The following NCAPD2 variants were observed in gnomAD, a reference collection of about 807,000 sequenced individuals.
The protein encoded by NCAPD2 is non-SMC condensin I complex subunit D2, also known as condensin complex subunit 1.
A neutral mutation model predicts 164.5 loss-of-function variants in NCAPD2; 100 were observed. The ratio of observed to expected loss-of-function variants is 0.61; its 90% CI spans 0.52 to 0.72. NCAPD2 has a LOEUF of 0.72. Among genes scored for constraint, NCAPD2 ranks in the 30% least tolerant of loss-of-function variants. The pLI, the probability that NCAPD2 is intolerant of heterozygous loss-of-function variation, is 0.00. For missense variants in NCAPD2, 1,560 were observed against 1,749.2 expected (o/e 0.89, Z 1.93); for synonymous variants, 585 against 642.6 (o/e 0.91, Z 1.36).
At position 6,525,695 on chromosome 12, in the gene NCAPD2, T is replaced by A. The variant is rs1413443276; in HGVS notation, c.2327T>A (p.Met776Lys). 6 of 1,613,480 alleles carry A rather than the reference T, an allele frequency of 3.7e-6. No homozygotes were observed. Among genetic ancestry groups the A allele is most frequent in the Non-Finnish European group, 4.2e-6 (5 of 1,179,874 alleles). ...CCTCTGGAGCGCTGTTCCTCTGTCATGCTTCTTGGCATGATGGCACGGTGA... is the reference window on the plus strand; with the variant it reads ...CCTCTGGAGCGCTGTTCCTCTGTCAAGCTTCTTGGCATGATGGCACGGTGA... Reference protein sequence around the residue: ...CCPLERCSSVMLLGMMARGKP... With the variant: ...CCPLERCSSVKLLGMMARGKP... The change falls in exon 18 of 32, where the codon ATG becomes AAG. Residue 776 changes from methionine (M) to lysine (K), a missense_variant. Coordinates refer to ENST00000315579, the MANE Select transcript of NCAPD2 (RefSeq NM_014865.4).
In NCAPD2 at chr12:6,531,587, C is replaced by T. The variant is rs1356195751; in HGVS notation, c.*175C>T. 1 of 1,354,400 alleles carries T rather than the reference C, an allele frequency of 7.4e-7. No homozygotes were observed. Among genetic ancestry groups the T allele is most frequent in the African/African-American group, 1.5e-5 (1 of 67,772 alleles). 83.9% of individuals were successfully genotyped at this position (1,354,400 alleles called of 1,614,324 possible). On this transcript the variant is annotated 3_prime_UTR_variant, in exon 32 of 32. Coordinates refer to ENST00000315579, the MANE Select transcript of NCAPD2 (RefSeq NM_014865.4). This position sits in a 1 kb window ranked among gnomAD's most constrained non-coding sequence, Gnocchi z 4.1. ...TTGCGATACCAAGGCGGGTGGATAA[C>T]CTGAGGTAGGGAGTTCGAGACCAGC...
chr12:6,523,618 C>T (rs766210781), intron 17 of NCAPD2, among the ~76,000 whole-genome samples: 21 of 152,122 alleles, frequency 1.4e-4, no homozygotes, highest in African/African-American at 4.8e-4. Flanking sequence ...GAGCTGGTCT[C>T]GAACCCTTGA....
intron 17 of NCAPD2, among the ~76,000 whole-genome samples, chr12:6,525,132 A>G (rs1043166262): frequency 2.7e-4 from 41 of 152,316 alleles, no homozygotes; most frequent in African/African-American, 9.1e-4. Flanking sequence ...ATGGAAGACA[A>G]ATTTTTAAAG....
chr12:6,521,205 C>G, intron 14 of NCAPD2, 95 bp downstream of exon 14: 1 of 1,462,922 alleles, frequency 6.8e-7, no homozygotes. Context: ...GTTAACAGAA[C>G]CTGGTGCTGA....
At chr12:6,508,233 G>A (rs1946114693) in intron 2 of NCAPD2, among the ~76,000 whole-genome samples, 1 of 152,096 alleles carries the variant, frequency 6.6e-6, no homozygotes, top group African/African-American at 2.4e-5. Flanking sequence ...GAGGCAGTAG[G>A]GAGTAGGCAG....
At chr12:6,498,034 C>G (rs536769865) in intron 2 of NCAPD2, among the ~76,000 whole-genome samples, 2 of 151,974 alleles carry the variant, frequency 1.3e-5, no homozygotes, top group South Asian at 4.1e-4. Flanking sequence ...CTCAGCCGCC[C>G]GAGTAGCTGG....
At chr12:6,527,472 A>G (rs1946327743) in intron 22 of NCAPD2, among the ~76,000 whole-genome samples, 1 of 152,206 alleles carries the variant, frequency 6.6e-6, no homozygotes, top group African/African-American at 2.4e-5. Flanking sequence ...CGCTGGAGAA[A>G]AGTCTGACCT....
At chr12:6,504,003 G>T (rs77985929) in intron 2 of NCAPD2, among the ~76,000 whole-genome samples, 9,203 of 151,366 alleles carry the variant, frequency 0.061, 496 homozygotes, top group African/African-American at 0.13. Context: ...TATTTGTGAG[G>T]GTGGAGCCCT....
chr12:6,522,521 G>C (rs1946273502), intron 15 of NCAPD2, among the ~76,000 whole-genome samples: 2 of 151,340 alleles, frequency 1.3e-5, no homozygotes, highest in Admixed American at 6.6e-5. Context: ...GGAGTTTGAG[G>C]CTACAGTGAG....
At chr12:6,494,358 G>A (rs1251020943) in intron 1 of NCAPD2, among the ~76,000 whole-genome samples, 2 of 149,732 alleles carry the variant, frequency 1.3e-5, no homozygotes, top group Non-Finnish European at 2.9e-5. Context: ...TAAGCAAATC[G>A]CTTAACAGAT....
In NCAPD2 at chr12:6,521,079, G is replaced by C. The variant is rs754644063; in HGVS notation, c.1683G>C (p.Arg561Ser). Reference protein sequence around the residue: ...HIDPEESEETRLLNILGLIFK... With the variant: ...HIDPEESEETSLLNILGLIFK... The stretch of plus-strand genomic sequence containing the variant: ...ACCCAGAGGAGTCAGAGGAGACCAG[G>C]CTCTTGAATATCTTAGGACTTATCT... Residue 561 changes from arginine (R) to serine (S), a missense_variant, in exon 14 of 32, where the codon AGG becomes AGC. Physicochemically the swap from Arg to Ser is moderately radical, Grantham distance 110. Transcript: ENST00000315579. The C allele has an allele frequency of 2.5e-6, 4 of 1,614,160 alleles. No homozygotes were observed. Among genetic ancestry groups the C allele is most frequent in the Non-Finnish European group, 3.4e-6 (4 of 1,179,998 alleles).
At chr12:6,527,935 C>A (rs372679971) in intron 23 of NCAPD2, 33 bp from the exon 24 acceptor site, 20 of 1,614,182 alleles carry the variant, frequency 1.2e-5, no homozygotes, top group Non-Finnish European at 1.7e-5. Context: ...ATTAAGATAA[C>A]CTGTCCCAAA....
chr12:6,527,952 G>A lies in NCAPD2; in HGVS notation c.3020-16G>A, dbSNP rs762120510. 1.4e-5 allele frequency: 22 copies of A among 1,614,114 alleles called. No individual in the cohort carries two copies. The Admixed American group carries it at 2.8e-4, about 21-fold the overall frequency. On this transcript the variant is annotated splice_polypyrimidine_tract_variant and intron_variant, in intron 23 of 31. Transcript: ENST00000315579. ...TAAGATAACCTGTCCCAAACCTGCA[G>A]TTACTCTTCCAACAGGCAAACAGAC...
At chr12:6,518,504 G>GTTTTTTTTTTTTTTTGTTTTGTTTTTT (rs1946227130) in intron 13 of NCAPD2, among the ~76,000 whole-genome samples, 1 of 44,774 alleles carries the variant, frequency 2.2e-5, no homozygotes, top group Admixed American at 3.3e-4. Context: ...CCGTCAACAA[G>GTTTTTTTTTTTTTTTGTTTTGTTTTTT]TTTTTTTTTT....
At chr12:6,502,126 G>C (rs1198925761) in intron 2 of NCAPD2, among the ~76,000 whole-genome samples, 1 of 152,188 alleles carries the variant, frequency 6.6e-6, no homozygotes, top group African/African-American at 2.4e-5. Flanking sequence ...TGTTGGAGCA[G>C]TGCCTTTAGT....
chr12:6,495,939 C>T (rs7960757), intron 2 of NCAPD2, among the ~76,000 whole-genome samples: 1 of 151,908 alleles, frequency 6.6e-6, no homozygotes, highest in Non-Finnish European at 1.5e-5. Flanking sequence ...TAACCAATTC[C>T]TTTGTTATCA....
At chr12:6,513,190 G>C (rs1946167525) in intron 6 of NCAPD2, among the ~76,000 whole-genome samples, 1 of 151,868 alleles carries the variant, frequency 6.6e-6, no homozygotes, top group Non-Finnish European at 1.5e-5. Flanking sequence ...TACCAAATCA[G>C]TAAGTGTAGC....
intron 16 of NCAPD2, 96 bp downstream of exon 16, chr12:6,523,098 G>C: frequency 6.6e-7 from 1 of 1,514,698 alleles, no homozygotes. Context: ...TTTCTCCAGG[G>C]GAGTTCCAGA....
chr12:6,506,756 G>T (rs1036735345), intron 2 of NCAPD2, among the ~76,000 whole-genome samples: 2 of 152,026 alleles, frequency 1.3e-5, no homozygotes, highest in African/African-American at 2.4e-5. Flanking sequence ...GAGGCAGCCC[G>T]ATTGCTTGAG....
Sources: gnomAD v4.1 joint callset for allele counts (sites outside exome capture counted in the v4.1 genomes callset) on GRCh38, gnomAD v4.1.1 for gene constraint, Gnocchi (gnomAD v3.1) non-coding constraint, MANE v1.5 for transcripts, NCBI Gene and HGNC (gene_info 2026-07-23, HGNC 2026-07-21) for gene names.